TSPAN5: variants seen among roughly 807,000 people sequenced by gnomAD.
TSPAN5 encodes the protein tetraspanin 5.
A neutral mutation model predicts 37.1 loss-of-function variants in TSPAN5; 10 were observed. The observed-to-expected ratio is 0.27, with a 90% CI of 0.17 to 0.46. The LOEUF (loss-of-function observed/expected upper bound fraction) is 0.46, where lower values mean the gene tolerates loss of function less well. TSPAN5 is among the 20% of genes least tolerant of loss of function. TSPAN5 has a pLI of 1.00. For synonymous variants in TSPAN5, 110 were observed against 118.9 expected (o/e 0.93, Z 0.48); for missense variants, 195 against 326.6 (o/e 0.60, Z 3.11).
intron 1 of TSPAN5, among the ~76,000 whole-genome samples, chr4:98,656,680 T>C (rs1035576667): frequency 6.6e-6 from 1 of 152,214 alleles, no homozygotes; most frequent in Non-Finnish European, 1.5e-5. Flanking sequence ...CATCCATTCA[T>C]GTGTCCCCTC....
At chr4:98,577,497 A>G (rs1755266786) in intron 1 of TSPAN5, among the ~76,000 whole-genome samples, 1 of 152,058 alleles carries the variant, frequency 6.6e-6, no homozygotes, top group South Asian at 2.1e-4. Context: ...AGGACCTACC[A>G]TTACATAAGT....
At chr4:98,495,520 A>G in intron 2 of TSPAN5, among the ~76,000 whole-genome samples, 1 of 117,284 alleles carries the variant, frequency 8.5e-6, no homozygotes, top group Admixed American at 9.4e-5. Flanking sequence ...AGACAGAGAG[A>G]GCCTCCGTCT....
At chr4:98,478,562 G>A (rs758629895) in intron 5 of TSPAN5, 123 bp downstream of exon 5, 154 of 1,174,930 alleles carry the variant, frequency 1.3e-4, no homozygotes, top group Non-Finnish European at 1.8e-4. Flanking sequence ...ACCCCCTACA[G>A]GAGCTACAAA....
intron 1 of TSPAN5, among the ~76,000 whole-genome samples, chr4:98,640,717 C>A (rs1435983860): frequency 3.3e-5 from 5 of 152,166 alleles, no homozygotes; most frequent in African/African-American, 1.2e-4. Flanking sequence ...CAAAGCCTGG[C>A]ATTAGTGACA....
At chr4:98,492,466 G>A (rs1560511011) in intron 2 of TSPAN5, among the ~76,000 whole-genome samples, 1 of 152,100 alleles carries the variant, frequency 6.6e-6, no homozygotes, top group Non-Finnish European at 1.5e-5. Flanking sequence ...GCTTATGCTG[G>A]TTCTCTTTGG....
At chr4:98,638,089 T>G (rs1278070353) in intron 1 of TSPAN5, among the ~76,000 whole-genome samples, 1 of 152,160 alleles carries the variant, frequency 6.6e-6, no homozygotes, top group Non-Finnish European at 1.5e-5. Context: ...CTGACCACCC[T>G]TGCGCCTTGC....
intron 1 of TSPAN5, among the ~76,000 whole-genome samples, chr4:98,629,073 T>C (rs1452606055): frequency 6.6e-6 from 1 of 152,232 alleles, no homozygotes; most frequent in African/African-American, 2.4e-5. Flanking sequence ...TTTATGTATA[T>C]GTTACTGCAA....
chr4:98,540,922 CT>C (rs1446806617), intron 1 of TSPAN5, among the ~76,000 whole-genome samples: 2 of 152,218 alleles, frequency 1.3e-5, no homozygotes, highest in African/African-American at 2.4e-5. Context: ...GGAAGAACTT[CT>C]AGCCAAGAAA....
At chr4:98,568,574 A>C (rs1427852800) in intron 1 of TSPAN5, among the ~76,000 whole-genome samples, 1 of 151,832 alleles carries the variant, frequency 6.6e-6, no homozygotes, top group African/African-American at 2.4e-5. Context: ...AAAGAAAAGA[A>C]GTCTGGATCA....
In TSPAN5 at chr4:98,519,033, G is replaced by C. The variant is rs572461356; in HGVS notation, c.82-11305C>G. 2.6e-5 allele frequency among the ~76,000 whole-genome samples: 4 copies of C among 152,336 alleles called. No homozygotes were observed. In the East Asian group the frequency reaches 7.7e-4, roughly 29 times the overall value. On this transcript the variant is annotated intron_variant, in intron 1 of 7. Coordinates refer to ENST00000305798, the MANE Select transcript of TSPAN5 (RefSeq NM_005723.4). ...CAGTACAAAGAATGAATTGAAGAGA[G>C]ATGAGACTGCAGGTAGCAAGACAAA...
At chr4:98,639,735 G>C (rs1456738947) in intron 1 of TSPAN5, among the ~76,000 whole-genome samples, 1 of 152,070 alleles carries the variant, frequency 6.6e-6, no homozygotes, top group Admixed American at 6.6e-5. Flanking sequence ...CTTCCTTTCT[G>C]TTTCACTTTC....
rs113392819 is a variant in TSPAN5 at position 98,613,188 on chromosome 4, T to C, written c.81+44958A>G. Among the ~76,000 whole-genome samples, 26 of 152,124 alleles carry C rather than the reference T, an allele frequency of 1.7e-4. 1 individual carries two copies. The highest frequency in any genetic ancestry group is 5.3e-4 in the African/African-American group (22 of 41,482). On this transcript the variant is annotated intron_variant, in intron 1 of 7. Transcript: ENST00000305798. ...GGTGATTCAGATGCACAATGCCCTT[T>C]TGAGAGAAGTACTAACTTGACATTT...
chr4:98,482,245 C>A, intron 3 of TSPAN5, 70 bp from the exon 4 acceptor site: 1 of 1,405,742 alleles, frequency 7.1e-7, no homozygotes, highest in African/African-American at 1.4e-5. Flanking sequence ...CTAAATGGTT[C>A]CTCTCTAAAC....
At chr4:98,525,010 G>T (rs4699641) in intron 1 of TSPAN5, among the ~76,000 whole-genome samples, 84,789 of 151,518 alleles carry the variant, frequency 0.56, 24,380 homozygotes, top group African/African-American at 0.69. Context: ...AGTTTACGTA[G>T]CTGCACAGTC....
At chr4:98,590,881 G>C (rs1469697237) in intron 1 of TSPAN5, among the ~76,000 whole-genome samples, 2 of 152,016 alleles carry the variant, frequency 1.3e-5, no homozygotes, top group Non-Finnish European at 2.9e-5. Flanking sequence ...CCAGCATTAA[G>C]ATAACCATCC....
chr4:98,642,817 T>A (rs915715773), intron 1 of TSPAN5, among the ~76,000 whole-genome samples: 1 of 152,066 alleles, frequency 6.6e-6, no homozygotes, highest in South Asian at 2.1e-4. Flanking sequence ...AAATAATTTT[T>A]AAAAAAAGGC....
At chr4:98,488,983 C>T (rs192272613) in intron 2 of TSPAN5, among the ~76,000 whole-genome samples, 1 of 152,300 alleles carries the variant, frequency 6.6e-6, no homozygotes, top group African/African-American at 2.4e-5. Flanking sequence ...CCTTTAACCA[C>T]AGATGTTAGT....
At chr4:98,554,837 G>C (rs1754702258) in intron 1 of TSPAN5, among the ~76,000 whole-genome samples, 1 of 152,198 alleles carries the variant, frequency 6.6e-6, no homozygotes, top group Admixed American at 6.5e-5. Flanking sequence ...CTAAAGGAGA[G>C]AGTATGTGCC....
intron 1 of TSPAN5, among the ~76,000 whole-genome samples, chr4:98,584,289 G>A (rs910494695): frequency 6.6e-6 from 1 of 152,070 alleles, no homozygotes; most frequent in East Asian, 1.9e-4. Context: ...GCCATCTTAT[G>A]GGAAAGTTAT....
Sources: gnomAD v4.1 joint callset for allele counts (sites outside exome capture counted in the v4.1 genomes callset) on GRCh38, gnomAD v4.1.1 for gene constraint, MANE v1.5 for transcripts, NCBI Gene and HGNC (gene_info 2026-07-23, HGNC 2026-07-21) for gene names.